The following BNC2 variants were observed in gnomAD, a reference collection of about 807,000 sequenced individuals.
BNC2 encodes the protein basonuclin zinc finger protein 2.
In BNC2, 20 loss-of-function variants were observed where a neutral mutation model predicts 76.3. The ratio of observed to expected loss-of-function variants is 0.26; its 90% CI spans 0.18 to 0.38. The LOEUF (loss-of-function observed/expected upper bound fraction) is 0.38. Among genes scored for constraint, BNC2 ranks in the 10% least tolerant of loss-of-function variants. The pLI is 1.00. For missense variants in BNC2, 1,382 were observed against 1,399.8 expected, an observed-to-expected ratio of 0.99 and a Z score of 0.20; for synonymous variants, 582 against 514.8, an observed-to-expected ratio of 1.13 and a Z score of -1.77.
At chr9:16,698,522 C>A (rs1170992242) in intron 3 of BNC2, among the ~76,000 whole-genome samples, 1 of 152,112 alleles carries the variant, frequency 6.6e-6, no homozygotes, top group Non-Finnish European at 1.5e-5. Context: ...GAAACCCCAT[C>A]TCTACTAAAA....
rs190203782 is a variant in BNC2, at chr9:16,411,096, C to T, written c.*7893G>A. The T allele has an allele frequency of 6.6e-6, 1 of 152,364 alleles. No individual in the cohort carries two copies. The highest frequency in any genetic ancestry group is 6.5e-5 in the Admixed American group (1 of 15,294). The allele number at this position is 152,364 out of a possible 1,614,324, so 9.4% of individuals were successfully genotyped here. ...ACCTTGCAGGGACTGGCGCTTTCTCCCTCTCTTTTGAAAAACATATCCAGG... is the reference window on the plus strand; with the variant it reads ...ACCTTGCAGGGACTGGCGCTTTCTCTCTCTCTTTTGAAAAACATATCCAGG... On this transcript the variant is annotated 3_prime_UTR_variant, in exon 7 of 7. Coordinates refer to ENST00000380672, the MANE Select transcript of BNC2 (RefSeq NM_017637.6).
At chr9:16,600,167 A>C (rs2133287592) in intron 3 of BNC2, among the ~76,000 whole-genome samples, 1 of 152,306 alleles carries the variant, frequency 6.6e-6, no homozygotes, top group South Asian at 2.1e-4. Flanking sequence ...GTACCTTGTA[A>C]GTTTGTGAGA....
At chr9:16,477,504 GTTAT>G (rs1173792806) in intron 5 of BNC2, among the ~76,000 whole-genome samples, 4 of 152,054 alleles carry the variant, frequency 2.6e-5, no homozygotes, top group African/African-American at 7.2e-5. Flanking sequence ...AAAAGAATTA[GTTAT>G]TTGTCTCTTA....
intron 3 of BNC2, among the ~76,000 whole-genome samples, chr9:16,654,013 C>G (rs1188870936): frequency 6.6e-6 from 1 of 152,030 alleles, no homozygotes; most frequent in Non-Finnish European, 1.5e-5. Flanking sequence ...TACCCTACAG[C>G]TACTTGTCAC....
chr9:16,765,837 A>G (rs60191165), intron 1 of BNC2, among the ~76,000 whole-genome samples: 5,401 of 148,202 alleles, frequency 0.036, 323 homozygotes, highest in African/African-American at 0.13. Context: ...CCCAGGCTGG[A>G]GTGCAGTGGC....
chr9:16,628,945 A>G (rs1012416565), intron 3 of BNC2, among the ~76,000 whole-genome samples: 2 of 152,318 alleles, frequency 1.3e-5, no homozygotes, highest in Admixed American at 6.5e-5. Context: ...AATTTTTTTA[A>G]TGTCATTAAG....
chr9:16,865,986 T>C (rs1221531392), intron 1 of BNC2, among the ~76,000 whole-genome samples: 1 of 152,170 alleles, frequency 6.6e-6, no homozygotes, highest in Non-Finnish European at 1.5e-5. Context: ...AGCAACATAA[T>C]GAGAGCTACT....
At chr9:16,545,923 T>C (rs1818468638) in intron 5 of BNC2, among the ~76,000 whole-genome samples, 1 of 152,204 alleles carries the variant, frequency 6.6e-6, no homozygotes, top group African/African-American at 2.4e-5. Flanking sequence ...AAGGAAAGCA[T>C]TCACCACTAG....
chr9:16,794,522 T>C (rs1354478917), intron 1 of BNC2, among the ~76,000 whole-genome samples: 1 of 152,208 alleles, frequency 6.6e-6, no homozygotes, highest in East Asian at 1.9e-4. Context: ...GTATGACAAC[T>C]GTAAAAGGGC....
chr9:16,761,079 C>CAA (rs397933346), intron 1 of BNC2, among the ~76,000 whole-genome samples: 50 of 145,204 alleles, frequency 3.4e-4, no homozygotes, highest in East Asian at 1.2e-3. Context: ...CCCGTCTCTA[C>CAA]AAAAAAAAAA....
chr9:16,641,084 G>A (rs1821479886), intron 3 of BNC2, among the ~76,000 whole-genome samples: 1 of 152,152 alleles, frequency 6.6e-6, no homozygotes, highest in Non-Finnish European at 1.5e-5. Flanking sequence ...ACTGGATAAA[G>A]TAACTACTGG....
intron 5 of BNC2, among the ~76,000 whole-genome samples, chr9:16,507,837 C>G (rs999232741): frequency 6.6e-6 from 1 of 152,024 alleles, no homozygotes; most frequent in Non-Finnish European, 1.5e-5. Context: ...TAGTACAAAC[C>G]CAAATATAAT....
chr9:16,512,146 T>A (rs963137852), intron 5 of BNC2, among the ~76,000 whole-genome samples: 10 of 152,196 alleles, frequency 6.6e-5, no homozygotes, highest in African/African-American at 2.4e-4. Context: ...CCCTCCTCAA[T>A]ATTAATATTT....
chr9:16,514,825 A>T (rs1822841066), intron 5 of BNC2, among the ~76,000 whole-genome samples: 1 of 152,258 alleles, frequency 6.6e-6, no homozygotes, highest in Non-Finnish European at 1.5e-5. Flanking sequence ...ACATGGAGAG[A>T]GAAATAAGTA....
At chr9:16,749,102 G>A (rs1825103594) in intron 1 of BNC2, among the ~76,000 whole-genome samples, 1 of 152,010 alleles carries the variant, frequency 6.6e-6, no homozygotes, top group African/African-American at 2.4e-5. Flanking sequence ...TCTCCAGGAT[G>A]CTCAAAGCAC....
chr9:16,788,340 T>G (rs959348689), intron 1 of BNC2, among the ~76,000 whole-genome samples: 2 of 151,530 alleles, frequency 1.3e-5, no homozygotes, highest in Non-Finnish European at 3.0e-5. Flanking sequence ...GATCATGAAG[T>G]CAGGAGATCG....
rs183197644 is a variant in BNC2 at position 16,713,244 on chromosome 9, C to T, written c.330+14553G>A. Among the ~76,000 whole-genome samples the T allele has an allele frequency of 1.4e-4, 21 of 152,156 alleles. No homozygotes were observed. The East Asian group carries it at 3.9e-3, about 28-fold the overall frequency. Reference sequence around the variant, plus strand: ...GTCTTGAGCCCTAGGAATAAAGCTGCAAAGGGATACTTACATAGTCATAGA... The same window carrying T: ...GTCTTGAGCCCTAGGAATAAAGCTGTAAAGGGATACTTACATAGTCATAGA... On this transcript the variant is annotated intron_variant, in intron 3 of 6. Coordinates refer to ENST00000380672, the MANE Select transcript of BNC2 (RefSeq NM_017637.6).
In BNC2 at chr9:16,628,947, G is replaced by A. The variant is rs28606464; in HGVS notation, c.331-45862C>T. Among the ~76,000 whole-genome samples the A allele has an allele frequency of 6.5e-3, 990 of 152,232 alleles. 8 individuals carry two copies. Among genetic ancestry groups the A allele is most frequent in the African/African-American group, 0.022 (902 of 41,560 alleles). On this transcript the variant is annotated intron_variant, in intron 3 of 6. Transcript: ENST00000380672. ...AATAAGTAATTAAAATTTTTTTAAT[G>A]TCATTAAGTGATCAGTAGCTTGTAT...
intron 3 of BNC2, among the ~76,000 whole-genome samples, chr9:16,618,715 ATTAC>A (rs1211115222): frequency 6.6e-6 from 1 of 152,162 alleles, no homozygotes; most frequent in African/African-American, 2.4e-5. Flanking sequence ...TGATTGCACA[ATTAC>A]TTAAGTTAAG....
Sources: gnomAD v4.1 joint callset for allele counts (sites outside exome capture counted in the v4.1 genomes callset) on GRCh38, gnomAD v4.1.1 for gene constraint, MANE v1.5 for transcripts, NCBI Gene and HGNC (gene_info 2026-07-23, HGNC 2026-07-21) for gene names.